The following IL12RB2 variants were observed in gnomAD, a reference collection of about 807,000 sequenced individuals.
IL12RB2 encodes interleukin 12 receptor subunit beta 2.
A neutral mutation model predicts 89.4 loss-of-function variants in IL12RB2; 82 were observed. That is an observed-to-expected ratio of 0.92 (90% CI 0.77 to 1.10). The LOEUF (loss-of-function observed/expected upper bound fraction) is 1.10. Among genes scored for constraint, IL12RB2 ranks in the 50% least tolerant of loss-of-function variants. The pLI is 0.00. For missense variants in IL12RB2, 963 were observed against 1,031.9 expected (o/e 0.93, Z 0.92); for synonymous variants, 368 against 370.1 (o/e 0.99, Z 0.07).
chr1:67,330,548 A>T lies in IL12RB2; in HGVS notation c.808-112A>T, dbSNP rs975126917. ...TTCTTCTCATTTAATGGTAGGTCTG[A>T]AAAACAAATAAGATCAAATAGCCTG... is the stretch of plus-strand genomic sequence containing the variant. On this transcript the variant is annotated intron_variant, in intron 7 of 16. Transcript: ENST00000674203. 3 of 680,676 alleles carry T rather than the reference A, an allele frequency of 4.4e-6. No homozygotes were observed. The African/African-American group carries it at 5.5e-5, about 12-fold the overall frequency. The allele number at this position is 680,676 out of a possible 1,614,324, so 42.2% of individuals were successfully genotyped here.
At chr1:67,336,553 T>G (rs912081769) in intron 8 of IL12RB2, among the ~76,000 whole-genome samples, 12 of 152,122 alleles carry the variant, frequency 7.9e-5, no homozygotes, top group African/African-American at 2.9e-4. Flanking sequence ...AAGTCCTCAC[T>G]GCAAAGGTAA....
rs190453736 is a variant in IL12RB2, at chr1:67,307,987, G to T, written c.-125+20G>T. On this transcript the variant is annotated intron_variant, in intron 1 of 16. Coordinates refer to ENST00000674203, the MANE Select transcript of IL12RB2 (RefSeq NM_001374259.2). ...CACGTGGTGAGTGACCAGTGACTCG[G>T]GGTCGGGGACAGAGAGAGCCCCAGG... 840 of 152,232 alleles carry T rather than the reference G, an allele frequency of 5.5e-3. 2 individuals carry two copies. The highest frequency in any genetic ancestry group is 8.6e-3 in the Non-Finnish European group (587 of 68,042). 9.4% of individuals were successfully genotyped at this position (152,232 alleles called of 1,614,324 possible).
intron 10 of IL12RB2, among the ~76,000 whole-genome samples, chr1:67,364,252 G>A (rs577090248): frequency 6.6e-6 from 1 of 152,276 alleles, no homozygotes; most frequent in East Asian, 1.9e-4. Context: ...TTAGCCAGGT[G>A]TGGTGGTGCA....
Position 67,396,098 on chromosome 1 carries a change from G to A in IL12RB2, c.*9G>A, listed in dbSNP as rs775410176. The A allele has an allele frequency of 5.8e-6, 9 of 1,546,218 alleles. No homozygotes were observed. Among genetic ancestry groups the A allele is most frequent in the African/African-American group, 2.7e-5 (2 of 73,568 alleles). Reference sequence around the variant, plus strand: ...ACTCCCTCATGCTCTGAGTGGTGAGGCTTCAAGCCTTAAAGTCAGTGTGCC... The same window carrying A: ...ACTCCCTCATGCTCTGAGTGGTGAGACTTCAAGCCTTAAAGTCAGTGTGCC... On this transcript the variant is annotated 3_prime_UTR_variant, in exon 17 of 17. Coordinates refer to ENST00000674203, the MANE Select transcript of IL12RB2 (RefSeq NM_001374259.2).
chr1:67,386,512 C>A, intron 14 of IL12RB2, 67 bp from the exon 15 acceptor site: 1 of 1,096,378 alleles, frequency 9.1e-7, no homozygotes, highest in Non-Finnish European at 1.4e-6. Flanking sequence ...GGCGCATACA[C>A]CAATCAGGAT....
rs77773839 is a variant in IL12RB2, at chr1:67,315,411, A to G, written c.-37+1411A>G. Among the ~76,000 whole-genome samples, 84 of 152,306 alleles carry G rather than the reference A, an allele frequency of 5.5e-4. 2 individuals are homozygous for G. The East Asian group carries it at 0.015, about 27-fold the overall frequency. The stretch of plus-strand genomic sequence containing the variant: ...TTTTGCAGTTAGGAAGCAGAAACCT[A>G]CTTAATCCCTATGTAGCCATTCATT... On this transcript the variant is annotated intron_variant, in intron 2 of 16. Coordinates refer to ENST00000674203, the MANE Select transcript of IL12RB2 (RefSeq NM_001374259.2).
chr1:67,315,373 C>A (rs965273468), intron 2 of IL12RB2, among the ~76,000 whole-genome samples: 1 of 151,948 alleles, frequency 6.6e-6, no homozygotes, highest in Non-Finnish European at 1.5e-5. Context: ...TACAAAGGGG[C>A]GCCATAGATA....
At chr1:67,310,184 CAAAAAAAAAAAA>C (rs890229904) in intron 1 of IL12RB2, among the ~76,000 whole-genome samples, 74 of 36,762 alleles carry the variant, frequency 2.0e-3, no homozygotes, top group African/African-American at 5.6e-3. Flanking sequence ...AACTTCATCT[CAAAAAAAAAAAA>C]AAAAAAAAAA....
At chr1:67,390,937 A>G (rs1489594594) in intron 16 of IL12RB2, among the ~76,000 whole-genome samples, 1 of 152,074 alleles carries the variant, frequency 6.6e-6, no homozygotes, top group Non-Finnish European at 1.5e-5. Context: ...ACTACCGAGT[A>G]TGTTCTGTCA....
At chr1:67,348,751 A>C (rs1660505998) in intron 9 of IL12RB2, among the ~76,000 whole-genome samples, 1 of 151,756 alleles carries the variant, frequency 6.6e-6, no homozygotes, top group Non-Finnish European at 1.5e-5. Flanking sequence ...TTTTCCTATT[A>C]GCTCATTGAA....
At chr1:67,355,070 C>T (rs1185627429) in intron 10 of IL12RB2, among the ~76,000 whole-genome samples, 2 of 151,734 alleles carry the variant, frequency 1.3e-5, no homozygotes, top group Non-Finnish European at 2.9e-5. Context: ...GAGCCATGAT[C>T]GTGCCACTGT....
intron 9 of IL12RB2, among the ~76,000 whole-genome samples, chr1:67,343,195 C>T (rs1436367163): frequency 6.8e-6 from 1 of 146,186 alleles, no homozygotes; most frequent in Non-Finnish European, 1.5e-5. Flanking sequence ...TCAAGTGATC[C>T]TCCCACCTCA....
At chr1:67,359,443 T>C (rs1422030888) in intron 10 of IL12RB2, among the ~76,000 whole-genome samples, 1 of 152,168 alleles carries the variant, frequency 6.6e-6, no homozygotes, top group African/African-American at 2.4e-5. Context: ...TAGTGGAGGC[T>C]GGGCACAGTG....
In IL12RB2 at chr1:67,390,106, C is replaced by G. The variant is rs1467515130; in HGVS notation, c.2024C>G (p.Ala675Gly). The G allele has an allele frequency of 7.8e-7, 1 of 1,276,012 alleles. No individual in the cohort carries two copies. Among genetic ancestry groups the G allele is most frequent in the Admixed American group, 1.7e-5 (1 of 59,632 alleles). The allele number at this position is 1,276,012 out of a possible 1,614,324, so 79.0% of individuals were successfully genotyped here. ...EIPDPANSTC[A>G]KKYPIAEEKT... ...CCAGATCCAGCAAATAGCACTTGCG[C>G]TAAGAAATATCCCATTGCAGAGGTA... Residue 675 changes from alanine to glycine, a missense_variant, in exon 16 of 17, where the codon GCT becomes GGT. By Grantham distance (60) the Ala-to-Gly change is moderately conservative. Transcript: ENST00000674203.
Position 67,329,119 on chromosome 1 carries a change from A to G in IL12RB2, c.665-468A>G, listed in dbSNP as rs539218783. On this transcript the variant is annotated intron_variant, in intron 6 of 16. Coordinates refer to ENST00000674203, the MANE Select transcript of IL12RB2 (RefSeq NM_001374259.2). ...CATATTTCTTCTCAGGCTTCCTCCC[A>G]TTTCTTTCATAGACCGTTCATCTCT... is the stretch of plus-strand genomic sequence containing the variant. Among the ~76,000 whole-genome samples the G allele has an allele frequency of 2.6e-5, 4 of 152,084 alleles. No homozygotes were observed. In the South Asian group the frequency reaches 8.3e-4, roughly 32 times the overall value.
chr1:67,318,438 T>C (rs930443514), intron 2 of IL12RB2, among the ~76,000 whole-genome samples: 1 of 152,182 alleles, frequency 6.6e-6, no homozygotes, highest in Non-Finnish European at 1.5e-5. Context: ...GAAAGACATG[T>C]TGACGGCTAG....
rs1225625643 is a variant in IL12RB2 at position 67,395,564 on chromosome 1, C to T, written c.2064C>T (p.Pro688=). Reference sequence around the variant, plus strand: ...TCTCTCAGGAGAAGACACAGCTGCCCTTGGACAGGCTCCTGATAGACTGGC... The same window carrying T: ...TCTCTCAGGAGAAGACACAGCTGCCTTTGGACAGGCTCCTGATAGACTGGC... ...YPIAEEKTQL[P]LDRLLIDWPT... Residue 688 remains proline (P), a synonymous_variant, in exon 17 of 17, where the codon CCC becomes CCT. Coordinates refer to ENST00000674203, the MANE Select transcript of IL12RB2 (RefSeq NM_001374259.2). The T allele has an allele frequency of 6.2e-7, 1 of 1,614,228 alleles. No individual in the cohort carries two copies. Among genetic ancestry groups the T allele is most frequent in the South Asian group, 1.1e-5 (1 of 91,082 alleles).
chr1:67,333,307 A>AT lies in IL12RB2; in HGVS notation c.958+2505dup, dbSNP rs535971506. ...ACTGATGTAAACGTAAAAGGTGTGAATTTTTTTTAACACGTCTTCCTTTTA... is the reference window on the plus strand; with the variant it reads ...ACTGATGTAAACGTAAAAGGTGTGAATTTTTTTTTAACACGTCTTCCTTTTA... On this transcript the variant is annotated intron_variant, in intron 8 of 16. Coordinates refer to ENST00000674203, the MANE Select transcript of IL12RB2 (RefSeq NM_001374259.2). Among the ~76,000 whole-genome samples the AT allele has an allele frequency of 3.1e-3, 470 of 151,330 alleles. 2 individuals are homozygous for AT. The highest frequency in any genetic ancestry group is 0.01 in the Middle Eastern group (3 of 288).
intron 8 of IL12RB2, among the ~76,000 whole-genome samples, chr1:67,331,891 G>C (rs1658135475): frequency 6.6e-6 from 1 of 152,080 alleles, no homozygotes; most frequent in Non-Finnish European, 1.5e-5. Flanking sequence ...ATAGTAGAGA[G>C]TCTTTCATAA....
Sources: gnomAD v4.1 joint callset for allele counts (sites outside exome capture counted in the v4.1 genomes callset) on GRCh38, gnomAD v4.1.1 for gene constraint, MANE v1.5 for transcripts, NCBI Gene and HGNC (gene_info 2026-07-23, HGNC 2026-07-21) for gene names.